The following CTNNA3 variants were observed in gnomAD, a reference collection of about 807,000 sequenced individuals.
CTNNA3 encodes the protein catenin alpha-3.
CTNNA3 carries 76 observed loss-of-function variants against 95.7 expected under a neutral mutation model. That is an observed-to-expected ratio of 0.79 (90% CI 0.66 to 0.96). The LOEUF (loss-of-function observed/expected upper bound fraction) is 0.96. CTNNA3 is among the 40% of genes least tolerant of loss of function. The probability of loss-of-function intolerance (pLI) is 0.00; values close to 1 mark genes in which losing one functional copy is unlikely to be tolerated. For missense variants in CTNNA3, 1,191 were observed against 1,089.8 expected (o/e 1.09, Z -1.31); for synonymous variants, 431 against 374.4 (o/e 1.15, Z -1.74).
chr10:66,352,535 G>C (rs1178691577), intron 12 of CTNNA3, among the ~76,000 whole-genome samples: 1 of 152,040 alleles, frequency 6.6e-6, no homozygotes. Context: ...ATAGGGCCTT[G>C]AACTCAGCTA....
At chr10:66,692,840 G>A (rs976962276) in intron 9 of CTNNA3, among the ~76,000 whole-genome samples, 1 of 152,084 alleles carries the variant, frequency 6.6e-6, no homozygotes, top group Non-Finnish European at 1.5e-5. Flanking sequence ...TTTCAACCCA[G>A]AATTTCATAT....
intron 9 of CTNNA3, among the ~76,000 whole-genome samples, chr10:66,753,131 G>A (rs1402661586): frequency 6.6e-6 from 1 of 151,956 alleles, no homozygotes; most frequent in East Asian, 1.9e-4. Flanking sequence ...TGGACTAAGG[G>A]GGTTGTGGTG....
rs140794605 is a variant in CTNNA3 at position 65,918,461 on chromosome 10, A to T, written c.*1869T>A. On this transcript the variant is annotated 3_prime_UTR_variant, in exon 18 of 18. Coordinates refer to ENST00000433211, the MANE Select transcript of CTNNA3 (RefSeq NM_013266.4). Reference sequence around the variant, plus strand: ...ATACCACAGATGTCACTCGTGCAACATCTACACTTAGAGCAGAAAATGATG... The same window carrying T: ...ATACCACAGATGTCACTCGTGCAACTTCTACACTTAGAGCAGAAAATGATG... 6.6e-6 allele frequency: 1 copy of T among 152,224 alleles called. No homozygotes were observed. Among genetic ancestry groups the T allele is most frequent in the African/African-American group, 2.4e-5 (1 of 41,466 alleles). 9.4% of individuals were successfully genotyped at this position (152,224 alleles called of 1,614,324 possible).
intron 5 of CTNNA3, among the ~76,000 whole-genome samples, chr10:67,252,481 CTAAT>C (rs1866150005): frequency 6.6e-6 from 1 of 152,100 alleles, no homozygotes; most frequent in African/African-American, 2.4e-5. Context: ...GCAACAATAA[CTAAT>C]AACAAAATAG....
chr10:66,827,603 A>G (rs1842562284), intron 7 of CTNNA3, among the ~76,000 whole-genome samples: 1 of 152,178 alleles, frequency 6.6e-6, no homozygotes, highest in African/African-American at 2.4e-5. Flanking sequence ...TATCTGGAAT[A>G]ACTCACTAAA....
chr10:66,580,659 A>G (rs553666877), intron 10 of CTNNA3, among the ~76,000 whole-genome samples: 1 of 151,862 alleles, frequency 6.6e-6, no homozygotes, highest in African/African-American at 2.4e-5. Context: ...ATTATGTTAA[A>G]AGACTATGGA....
At chr10:66,691,438 G>A (rs571888253) in intron 9 of CTNNA3, among the ~76,000 whole-genome samples, 164 of 152,282 alleles carry the variant, frequency 1.1e-3, no homozygotes, top group African/African-American at 3.9e-3. Flanking sequence ...GGCTTGCTTA[G>A]GTAAACAAAG....
chr10:66,578,300 C>T (rs1215889397), intron 10 of CTNNA3, among the ~76,000 whole-genome samples: 1 of 151,844 alleles, frequency 6.6e-6, no homozygotes, highest in Non-Finnish European at 1.5e-5. Flanking sequence ...TATTTGGATG[C>T]CTTTTATTTC....
At chr10:67,207,089 C>T (rs912119010) in intron 6 of CTNNA3, among the ~76,000 whole-genome samples, 25 of 152,258 alleles carry the variant, frequency 1.6e-4, no homozygotes, top group Non-Finnish European at 3.1e-4. Context: ...CGAGATCGCA[C>T]CATTGCACTC....
intron 11 of CTNNA3, among the ~76,000 whole-genome samples, chr10:66,390,912 G>T (rs2092928778): frequency 6.6e-6 from 1 of 152,034 alleles, no homozygotes; most frequent in Non-Finnish European, 1.5e-5. Context: ...CCTTTCTTCT[G>T]TCTCTTCTTT....
intron 13 of CTNNA3, among the ~76,000 whole-genome samples, chr10:66,132,799 C>A (rs2083177752): frequency 6.6e-6 from 1 of 151,922 alleles, no homozygotes; most frequent in African/African-American, 2.4e-5. Flanking sequence ...AATGCAGGAA[C>A]CAAAAACCAA....
At chr10:67,249,708 G>A (rs1017756585) in intron 5 of CTNNA3, among the ~76,000 whole-genome samples, 2 of 152,216 alleles carry the variant, frequency 1.3e-5, no homozygotes, top group Non-Finnish European at 2.9e-5. Flanking sequence ...GCAGGTGACA[G>A]AGCCTATCAT....
chr10:67,007,741 TG>T (rs1852086106), intron 7 of CTNNA3, among the ~76,000 whole-genome samples: 1 of 151,986 alleles, frequency 6.6e-6, no homozygotes, highest in Non-Finnish European at 1.5e-5. Context: ...TATTCCATAC[TG>T]AATATATTAA....
At chr10:67,598,331 G>C (rs1309977878) in intron 3 of CTNNA3, among the ~76,000 whole-genome samples, 3 of 152,246 alleles carry the variant, frequency 2.0e-5, no homozygotes, top group Admixed American at 1.3e-4. Flanking sequence ...TCCCTGGTGA[G>C]AGCAGGCCAC....
intron 12 of CTNNA3, among the ~76,000 whole-genome samples, chr10:66,304,289 C>G (rs57153573): frequency 0.01 from 1,530 of 152,254 alleles, 26 homozygotes; most frequent in African/African-American, 0.035. Context: ...CTCCTTCACT[C>G]CTCGCTGAAG....
At chr10:67,086,832 T>C (rs1857339601) in intron 7 of CTNNA3, among the ~76,000 whole-genome samples, 1 of 152,036 alleles carries the variant, frequency 6.6e-6, no homozygotes. Flanking sequence ...TTATAATTTT[T>C]AATATAATGT....
At chr10:66,252,306 G>T (rs959541496) in intron 13 of CTNNA3, among the ~76,000 whole-genome samples, 2 of 151,996 alleles carry the variant, frequency 1.3e-5, no homozygotes, top group African/African-American at 4.8e-5. Flanking sequence ...ATTTGCCTAG[G>T]CATCAAATGT....
intron 12 of CTNNA3, among the ~76,000 whole-genome samples, chr10:66,359,598 G>C (rs1464477516): frequency 1.3e-5 from 2 of 152,082 alleles, no homozygotes; most frequent in Admixed American, 1.3e-4. Flanking sequence ...CCAGACAATA[G>C]CATCAATTAG....
intron 5 of CTNNA3, among the ~76,000 whole-genome samples, chr10:67,333,943 T>G (rs949210311): frequency 4.6e-5 from 7 of 152,196 alleles, no homozygotes; most frequent in Non-Finnish European, 1.0e-4. Flanking sequence ...TGCTAAGTCT[T>G]CCATAAGGAC....
Sources: gnomAD v4.1 joint callset for allele counts (sites outside exome capture counted in the v4.1 genomes callset) on GRCh38, gnomAD v4.1.1 for gene constraint, MANE v1.5 for transcripts, NCBI Gene and HGNC (gene_info 2026-07-23, HGNC 2026-07-21) for gene names.